Variants in ENOX1 observed in about 807,000 individuals in gnomAD.
ENOX1 encodes the protein ecto-NOX disulfide-thiol exchanger 1, also known as candidate growth-related and time keeping constitutive hydroquinone (NADH) oxidase.
ENOX1 carries 42 observed loss-of-function variants against 82.5 expected under a neutral mutation model. The ratio of observed to expected loss-of-function variants is 0.51; its 90% CI spans 0.40 to 0.66. The LOEUF is 0.66. Among genes scored for constraint, ENOX1 ranks in the 30% least tolerant of loss-of-function variants. ENOX1 has a pLI of 0.00. For missense variants in ENOX1, 608 were observed against 811.6 expected (o/e 0.75, Z 3.05); for synonymous variants, 271 against 282.2 (o/e 0.96, Z 0.40).
intron 3 of ENOX1, among the ~76,000 whole-genome samples, chr13:43,467,336 C>G (rs1200916460): frequency 1.3e-5 from 2 of 152,070 alleles, no homozygotes; most frequent in Admixed American, 1.3e-4. Context: ...TATTTACTGT[C>G]TAAAAATGAT....
In ENOX1 at chr13:43,736,753, A is replaced by C. The variant is rs114591167; in HGVS notation, c.-285+49899T>G. Among the ~76,000 whole-genome samples, 821 of 152,290 alleles carry C rather than the reference A, an allele frequency of 5.4e-3. 5 individuals are homozygous for C. Among genetic ancestry groups the C allele is most frequent in the African/African-American group, 0.019 (778 of 41,560 alleles). On this transcript the variant is annotated intron_variant, in intron 1 of 16. Coordinates refer to ENST00000690772, the MANE Select transcript of ENOX1 (RefSeq NM_001347969.2). ...CAGAACCAGCCACCAGGCTGTAGCA[A>C]AAGGCAGGTTCTGCAGGCTTTAGAA... is the stretch of plus-strand genomic sequence containing the variant.
rs146658069 is a variant in ENOX1, at chr13:43,560,856, G to C, written c.-218-76704C>G. ...GATTAATTAGTGAAAATCCTGCTGA[G>C]TTTCAGATCATCTCAGTGGCCCTCT... On this transcript the variant is annotated intron_variant, in intron 2 of 16. Transcript: ENST00000690772. 2.5e-3 allele frequency among the ~76,000 whole-genome samples: 379 copies of C among 152,244 alleles called. 4 individuals are homozygous for C. Among genetic ancestry groups the C allele is most frequent in the African/African-American group, 8.8e-3 (366 of 41,554 alleles).
chr13:43,514,956 G>A (rs1221992709), intron 2 of ENOX1, among the ~76,000 whole-genome samples: 1 of 152,076 alleles, frequency 6.6e-6, no homozygotes, highest in East Asian at 1.9e-4. Context: ...CCAGATTGTA[G>A]GTTGAGGCAC....
intron 2 of ENOX1, among the ~76,000 whole-genome samples, chr13:43,541,985 T>C (rs865886235): frequency 1.3e-5 from 2 of 152,158 alleles, no homozygotes; most frequent in Non-Finnish European, 2.9e-5. Context: ...TTCTGAACAC[T>C]AGAAAAGCTT....
intron 2 of ENOX1, among the ~76,000 whole-genome samples, chr13:43,615,329 C>A (rs1304149775): frequency 6.6e-6 from 1 of 151,988 alleles, no homozygotes; most frequent in Non-Finnish European, 1.5e-5. Flanking sequence ...GCAATAACGC[C>A]CCCCAAAAGA....
At position 43,489,629 on chromosome 13, in the gene ENOX1, C is replaced by T. The variant is rs151291525; in HGVS notation, c.-218-5477G>A. On this transcript the variant is annotated intron_variant, in intron 2 of 16. Coordinates refer to ENST00000690772, the MANE Select transcript of ENOX1 (RefSeq NM_001347969.2). ...TGGGGGCAGGTTCACTCATAAAATCCCATTATTGTAGAGCCACAGCATGCA... is the reference window on the plus strand; with the variant it reads ...TGGGGGCAGGTTCACTCATAAAATCTCATTATTGTAGAGCCACAGCATGCA... 3.9e-5 allele frequency among the ~76,000 whole-genome samples: 6 copies of T among 152,168 alleles called. No individual in the cohort carries two copies. The East Asian group carries it at 1.2e-3, about 30-fold the overall frequency.
At chr13:43,715,545 A>G (rs191009302) in intron 1 of ENOX1, among the ~76,000 whole-genome samples, 8 of 152,180 alleles carry the variant, frequency 5.3e-5, no homozygotes, top group Admixed American at 2.6e-4. Flanking sequence ...TCTCCTGGAT[A>G]ATATCCTGCA....
intron 2 of ENOX1, among the ~76,000 whole-genome samples, chr13:43,565,991 C>A (rs534772263): frequency 1.6e-4 from 24 of 152,250 alleles, no homozygotes; most frequent in Middle Eastern, 3.4e-3. Flanking sequence ...TTTTTAAATT[C>A]TTGATCCTCG....
At chr13:43,351,796 T>A (rs555205604) in intron 8 of ENOX1, among the ~76,000 whole-genome samples, 1 of 151,782 alleles carries the variant, frequency 6.6e-6, no homozygotes, top group South Asian at 2.1e-4. Context: ...ATGGTGTATA[T>A]GTGCCACATT....
intron 2 of ENOX1, among the ~76,000 whole-genome samples, chr13:43,658,171 G>GA (rs1217027801): frequency 6.6e-6 from 1 of 152,090 alleles, no homozygotes; most frequent in Admixed American, 6.5e-5. Flanking sequence ...GTTTTTCATT[G>GA]AAAAAATCTG....
intron 2 of ENOX1, among the ~76,000 whole-genome samples, chr13:43,563,024 T>C (rs1224719807): frequency 1.3e-5 from 2 of 152,096 alleles, no homozygotes; most frequent in Non-Finnish European, 2.9e-5. Context: ...ATCTGCACTA[T>C]AGACTAAATG....
At chr13:43,283,103 TTAAGC>T (rs140978242) in intron 12 of ENOX1, among the ~76,000 whole-genome samples, 2,061 of 127,414 alleles carry the variant, frequency 0.016, 49 homozygotes, top group African/African-American at 0.056. Context: ...AAAAAAAAAT[TTAAGC>T]TATTAATTCG....
intron 1 of ENOX1, among the ~76,000 whole-genome samples, chr13:43,748,970 C>T (rs1325297413): frequency 3.3e-5 from 5 of 152,116 alleles, no homozygotes; most frequent in Non-Finnish European, 7.3e-5. Context: ...CTTAATTTCT[C>T]TGAGGTTTAG....
rs377339577 is a variant in ENOX1 at position 43,355,043 on chromosome 13, C to T, written c.823+876G>A. On this transcript the variant is annotated intron_variant, in intron 8 of 16. Transcript: ENST00000690772. ...CAGTTAATTGTTTATCTGTAGACAC[C>T]TACATGTGGCCACCAACTGTGACTT... Among the ~76,000 whole-genome samples the T allele has an allele frequency of 1.8e-4, 28 of 152,312 alleles. No homozygotes were observed. In the East Asian group the frequency reaches 4.8e-3, roughly 26 times the overall value.
intron 14 of ENOX1, among the ~76,000 whole-genome samples, chr13:43,264,148 A>T (rs2044238290): frequency 6.6e-6 from 1 of 152,206 alleles, no homozygotes; most frequent in African/African-American, 2.4e-5. Context: ...TTACAATATT[A>T]TGACATGCTT....
chr13:43,301,651 A>AT (rs1262724763), intron 11 of ENOX1, among the ~76,000 whole-genome samples: 1 of 151,832 alleles, frequency 6.6e-6, no homozygotes, highest in African/African-American at 2.4e-5. Context: ...CACATAACTG[A>AT]TTTACATTCC....
At chr13:43,286,684 T>TGATGAGATGA (rs1353440152) in intron 12 of ENOX1, among the ~76,000 whole-genome samples, 1 of 152,230 alleles carries the variant, frequency 6.6e-6, no homozygotes, top group Non-Finnish European at 1.5e-5. Flanking sequence ...GGATAACTAA[T>TGATGAGATGA]GATGAGATGA....
intron 11 of ENOX1, among the ~76,000 whole-genome samples, chr13:43,299,914 T>C (rs2046481989): frequency 6.6e-6 from 1 of 152,216 alleles, no homozygotes. Flanking sequence ...CTCCTGAGTG[T>C]TCTACCTGCA....
rs1213136232 is a variant in ENOX1, at chr13:43,587,074, A to G, written c.-219+80405T>C. 3.0e-3 allele frequency among the ~76,000 whole-genome samples: 6 copies of G among 1,982 alleles called. No homozygotes were observed. In the Non-Finnish European group the frequency reaches 0.23, roughly 75 times the overall value. The allele number at this position is 1,982 out of a possible 152,430, so 1.3% of individuals were successfully genotyped here. A position where few individuals can be genotyped will look rare whatever the true frequency, so the allele number is the denominator to read the frequency against. ...GGCGACAGAGCGAGACTATCTCAGA[A>G]AAAAAAAAAAAAAAGAAATAGTAAA... On this transcript the variant is annotated intron_variant, in intron 2 of 16. Coordinates refer to ENST00000690772, the MANE Select transcript of ENOX1 (RefSeq NM_001347969.2).
Sources: allele counts gnomAD v4.1 joint callset (sites outside exome capture counted in the v4.1 genomes callset), GRCh38; gene constraint gnomAD v4.1.1; transcripts MANE v1.5; gene names NCBI Gene and HGNC (gene_info 2026-07-23, HGNC 2026-07-21).